FRRS1: variants seen among roughly 807,000 people sequenced by gnomAD.
The protein encoded by FRRS1 is ferric chelate reductase 1, also known as ferric reductase 1.
A neutral mutation model predicts 70.7 loss-of-function variants in FRRS1; 51 were observed. The observed-to-expected ratio is 0.72, with a 90% CI of 0.58 to 0.91. The LOEUF (loss-of-function observed/expected upper bound fraction) is 0.91, where lower values mean the gene tolerates loss of function less well. FRRS1 is among the 40% of genes least tolerant of loss of function. FRRS1 has a pLI of 0.00. For missense variants in FRRS1, 672 were observed against 726.0 expected, an observed-to-expected ratio of 0.93 and a Z score of 0.86; for synonymous variants, 225 against 238.7, an observed-to-expected ratio of 0.94 and a Z score of 0.53.
chr1:99,761,134 G>T (rs1657096758), intron 1 of FRRS1, among the ~76,000 whole-genome samples: 1 of 151,618 alleles, frequency 6.6e-6, no homozygotes, highest in Admixed American at 6.6e-5. Flanking sequence ...TTGTTTTGGG[G>T]GGGTGGGGGA....
At position 99,710,801 on chromosome 1, in the gene FRRS1, G is replaced by A; in HGVS notation, c.1624+5C>T. On this transcript the variant is annotated splice_donor_5th_base_variant and intron_variant, in intron 15 of 16. Transcript: ENST00000646001. ...CTACATAACATGGCTTTTTTACCAG[G>A]TTACCTTTGCGAGAGAGCCGATAAG... is the stretch of plus-strand genomic sequence containing the variant. The A allele has an allele frequency of 6.2e-7, 1 of 1,612,594 alleles. No homozygotes were observed. Among genetic ancestry groups the A allele is most frequent in the Non-Finnish European group, 8.5e-7 (1 of 1,179,388 alleles).
In FRRS1 at chr1:99,709,190, G is replaced by A. The variant is rs771064394; in HGVS notation, c.1686+8C>T. Reference sequence around the variant, plus strand: ...AGGTTTGTGTCAATGAACAAGAAAAGGACTTACCTCTGTTTCCACTGCAGT... The same window carrying A: ...AGGTTTGTGTCAATGAACAAGAAAAAGACTTACCTCTGTTTCCACTGCAGT... On this transcript the variant is annotated splice_region_variant and intron_variant, in intron 16 of 16. Transcript: ENST00000646001. 3.7e-6 allele frequency: 6 copies of A among 1,608,886 alleles called. No homozygotes were observed. The highest frequency in any genetic ancestry group is 5.1e-6 in the Non-Finnish European group (6 of 1,175,704).
Position 99,705,024 on chromosome 1 carries a change from A to G in FRRS1, c.*4004T>C, listed in dbSNP as rs764336894. Among the ~76,000 whole-genome samples, 11 of 152,198 alleles carry G rather than the reference A, an allele frequency of 7.2e-5. No homozygotes were observed. Among genetic ancestry groups the G allele is most frequent in the Non-Finnish European group, 1.3e-4 (9 of 68,022 alleles). On this transcript the variant is annotated 3_prime_UTR_variant, in exon 17 of 17. Coordinates refer to ENST00000646001, the MANE Select transcript of FRRS1 (RefSeq NM_001361041.2). ...ATACAGAAAGCCCTCTGTCCTTGCA[A>G]TAAGGCAGGGGTCTAATTGAGCTAA...
chr1:99,726,615 C>A (rs1485830946), intron 9 of FRRS1, among the ~76,000 whole-genome samples: 2 of 152,192 alleles, frequency 1.3e-5, no homozygotes, highest in African/African-American at 2.4e-5. Context: ...GCAATCATAA[C>A]AACAACACAA....
At chr1:99,748,810 T>C in intron 2 of FRRS1, 42 bp from the exon 3 acceptor site, 1 of 1,467,122 alleles carries the variant, frequency 6.8e-7, no homozygotes, top group Non-Finnish European at 9.3e-7. Flanking sequence ...CATATATAAT[T>C]AAAATATAAA....
intron 10 of FRRS1, among the ~76,000 whole-genome samples, chr1:99,718,879 A>ACCCAGTAACACTT (rs1410118202): frequency 6.6e-6 from 1 of 152,126 alleles, no homozygotes; most frequent in African/African-American, 2.4e-5. Flanking sequence ...AGTTAAATTA[A>ACCCAGTAACACTT]CCCAGTAACA....
chr1:99,717,394 T>C lies in FRRS1; in HGVS notation c.1236+16A>G. On this transcript the variant is annotated intron_variant, in intron 11 of 16. Transcript: ENST00000646001. ...AATACTATGAATATTGCATTGAACT[T>C]TTTTCCCTCACCTACCTGAAACCAA... The C allele has an allele frequency of 6.5e-7, 1 of 1,539,038 alleles. No individual in the cohort carries two copies. The highest frequency in any genetic ancestry group is 2.2e-5 in the East Asian group (1 of 44,528).
intron 9 of FRRS1, among the ~76,000 whole-genome samples, chr1:99,725,805 A>G (rs1235013007): frequency 3.3e-5 from 5 of 152,224 alleles, no homozygotes; most frequent in African/African-American, 9.6e-5. Flanking sequence ...GAAACATTTC[A>G]CCTGCTGTAT....
intron 15 of FRRS1, 35 bp downstream of exon 15, chr1:99,710,771 T>G: frequency 3.1e-6 from 5 of 1,592,678 alleles, no homozygotes; most frequent in Non-Finnish European, 4.3e-6. Context: ...TGTATAGAAG[T>G]GCTTCTACAT....
At chr1:99,742,066 G>T in intron 5 of FRRS1, 113 bp downstream of exon 5, 2 of 667,572 alleles carry the variant, frequency 3.0e-6, no homozygotes, top group East Asian at 2.6e-5. Context: ...TGTTGCCCAG[G>T]CCAGTCTCAA....
At chr1:99,711,233 G>A (rs1324124937) in intron 14 of FRRS1, 1 of 367,144 alleles carries the variant, frequency 2.7e-6, no homozygotes, top group Non-Finnish European at 5.0e-6. Context: ...CCCAAGTGGT[G>A]AACATAGTAC....
In FRRS1 at chr1:99,717,471, G is replaced by A; in HGVS notation, c.1175C>T (p.Ala392Val). The A allele has an allele frequency of 6.2e-7, 1 of 1,614,066 alleles. No individual in the cohort carries two copies. The highest frequency in any genetic ancestry group is 2.2e-5 in the East Asian group (1 of 44,874). ...MTTVSIGVLV[A>V]RFFKPVWSKA... The stretch of plus-strand genomic sequence containing the variant: ...TGACCAAACTGGCTTGAAGAACCGG[G>A]CAACCAGTACACCTATGCTAACAGT... The change falls in exon 11 of 17, where the codon GCC (alanine) becomes GTC (valine). Residue 392 changes from alanine to valine, a missense_variant. Physicochemically the swap from Ala to Val is moderately conservative, Grantham distance 64. Coordinates refer to ENST00000646001, the MANE Select transcript of FRRS1 (RefSeq NM_001361041.2).
At chr1:99,763,868 C>CAA (rs71744107) in intron 1 of FRRS1, among the ~76,000 whole-genome samples, 74 of 109,984 alleles carry the variant, frequency 6.7e-4, no homozygotes, top group African/African-American at 1.5e-3. Context: ...AACTCTGTCT[C>CAA]AAAAAAAAAA....
rs776725348 is a variant in FRRS1 at position 99,747,374 on chromosome 1, C to A, written c.253G>T (p.Asp85Tyr). The A allele has an allele frequency of 6.2e-7, 1 of 1,613,720 alleles. No individual in the cohort carries two copies. The highest frequency in any genetic ancestry group is 1.7e-5 in the Admixed American group (1 of 60,022). Residue 85 changes from aspartate to tyrosine, a missense_variant, in exon 4 of 17, where the codon GAT becomes TAT. Coordinates refer to ENST00000646001, the MANE Select transcript of FRRS1 (RefSeq NM_001361041.2). ...GAGCCAATAGGAGGGCCATTCAGAT[C>A]CTCAGCATTACGCGCTTCTAGGAGA... ...GFLLEARNAEDLNGPPIGSFT... is the reference protein window; with the variant it reads ...GFLLEARNAEYLNGPPIGSFT...
At chr1:99,711,000 A>G in intron 14 of FRRS1, 51 bp from the exon 15 acceptor site, 5 of 1,525,584 alleles carry the variant, frequency 3.3e-6, no homozygotes, top group Non-Finnish European at 4.5e-6. Context: ...ACCAAGAGAG[A>G]CAATTGTGTG....
At chr1:99,742,035 T>C (rs925956069) in intron 5 of FRRS1, 144 bp downstream of exon 5, 17 of 552,852 alleles carry the variant, frequency 3.1e-5, no homozygotes, top group Non-Finnish European at 4.8e-5. Flanking sequence ...TTTTCCTTTT[T>C]TTAGAGATGG....
intron 7 of FRRS1, among the ~76,000 whole-genome samples, chr1:99,730,760 A>G (rs530815829): frequency 3.3e-4 from 50 of 151,454 alleles, no homozygotes; most frequent in Admixed American, 8.6e-4. Context: ...CCAGCTACTC[A>G]GGAGGCTGAG....
chr1:99,729,655 A>T lies in FRRS1; in HGVS notation c.853T>A (p.Ser285Thr). Residue 285 changes from serine to threonine, a missense_variant, in exon 8 of 17, where the codon TCC becomes ACC. Physicochemically the swap from Ser to Thr is moderately conservative, Grantham distance 58 (BLOSUM62 1). Coordinates refer to ENST00000646001, the MANE Select transcript of FRRS1 (RefSeq NM_001361041.2). Reference sequence around the variant, plus strand: ...CTCAGAATTTTCACACCTACCCTGGAGTCCATTACAGGGTGACTTCGCCCC... The same window carrying T: ...CTCAGAATTTTCACACCTACCCTGGTGTCCATTACAGGGTGACTTCGCCCC... ...LTGRSHPVMD[S>T]RDTLEDMAWR... The T allele has an allele frequency of 6.2e-7, 1 of 1,604,228 alleles. No homozygotes were observed. The highest frequency in any genetic ancestry group is 8.5e-7 in the Non-Finnish European group (1 of 1,171,454).
chr1:99,714,357 T>C (rs906945322), intron 12 of FRRS1, among the ~76,000 whole-genome samples: 1 of 151,986 alleles, frequency 6.6e-6, no homozygotes, highest in Non-Finnish European at 1.5e-5. Flanking sequence ...CTAATTTTAG[T>C]GTTTTTGGTA....
Sources: gnomAD v4.1 joint callset for allele counts (sites outside exome capture counted in the v4.1 genomes callset) on GRCh38, gnomAD v4.1.1 for gene constraint, MANE v1.5 for transcripts, NCBI Gene and HGNC (gene_info 2026-07-23, HGNC 2026-07-21) for gene names.